The following IL1RAPL1 variants were observed in gnomAD, a reference collection of about 807,000 sequenced individuals.
The protein encoded by IL1RAPL1 is interleukin-1 receptor accessory protein-like 1.
A neutral mutation model predicts 48.4 loss-of-function variants in IL1RAPL1; 3 were observed. The observed-to-expected ratio is 0.06, with a 90% CI of 0.03 to 0.16. The LOEUF is 0.16. Ranked by LOEUF, IL1RAPL1 falls within the 10% of genes least tolerant of loss-of-function variation. The pLI is 1.00. For synonymous variants in IL1RAPL1, 185 were observed against 187.7 expected (o/e 0.99, Z 0.12); for missense variants, 349 against 530.6 (o/e 0.66, Z 3.36).
chrX:29,757,504 A>G (rs937505943), intron 6 of IL1RAPL1, among the ~76,000 whole-genome samples: 4 of 112,433 alleles, frequency 3.6e-5, no homozygotes, highest in African/African-American at 6.5e-5. Flanking sequence ...GTTAAGCAAC[A>G]TTTGATTGGC....
chrX:28,687,060 A>G (rs1935118739), intron 1 of IL1RAPL1, among the ~76,000 whole-genome samples: 2 of 111,899 alleles, frequency 1.8e-5, no homozygotes, highest in South Asian at 7.4e-4. Context: ...ACTCTTTTAA[A>G]TTTTATAGTG....
chrX:28,950,814 C>T (rs1924438843), intron 2 of IL1RAPL1, among the ~76,000 whole-genome samples: 1 of 107,980 alleles, frequency 9.3e-6, no homozygotes, highest in Admixed American at 1.0e-4. Context: ...TATAAAGACA[C>T]ATGCACATGT....
At chrX:29,613,115 TATA>T in intron 5 of IL1RAPL1, among the ~76,000 whole-genome samples, 1 of 112,358 alleles carries the variant, frequency 8.9e-6, no homozygotes, top group Non-Finnish European at 1.9e-5. Flanking sequence ...CAAATAAAAA[TATA>T]ATGACAGCCC....
rs146111446 is a variant in IL1RAPL1, at chrX:29,811,971, A to G, written c.779-105493A>G. On this transcript the variant is annotated intron_variant, in intron 6 of 10. Transcript: ENST00000378993. Reference sequence around the variant, plus strand: ...CAGAATCTATTCTCACCAAGTCACCAGATGAACAATAGATCATCTACACAG... The same window carrying G: ...CAGAATCTATTCTCACCAAGTCACCGGATGAACAATAGATCATCTACACAG... 1.8e-3 allele frequency among the ~76,000 whole-genome samples: 203 copies of G among 111,599 alleles called. 1 individual carries two copies. The highest frequency in any genetic ancestry group is 5.9e-3 in the African/African-American group (180 of 30,751).
intron 2 of IL1RAPL1, among the ~76,000 whole-genome samples, chrX:29,190,615 G>A (rs1426187339): frequency 8.9e-6 from 1 of 112,455 alleles, no homozygotes; most frequent in African/African-American, 3.2e-5. Flanking sequence ...ACAAAAGACT[G>A]TTCCTTGCTG....
chrX:28,685,516 C>T (rs1016120459), intron 1 of IL1RAPL1, among the ~76,000 whole-genome samples: 3 of 111,999 alleles, frequency 2.7e-5, no homozygotes, highest in Non-Finnish European at 5.6e-5. Flanking sequence ...ATTGGGTTGA[C>T]TTTTAGATGC....
intron 3 of IL1RAPL1, among the ~76,000 whole-genome samples, chrX:29,308,858 A>G (rs1237373511): frequency 8.9e-6 from 1 of 111,910 alleles, no homozygotes; most frequent in Non-Finnish European, 1.9e-5. Context: ...AACTCTTTCC[A>G]AGGGACATCT....
At chrX:28,778,426 A>C (rs1270720325) in intron 1 of IL1RAPL1, among the ~76,000 whole-genome samples, 1 of 111,480 alleles carries the variant, frequency 9.0e-6, no homozygotes, top group African/African-American at 3.3e-5. Context: ...GCGATGATGG[A>C]ATATATTTGC....
At chrX:29,484,344 G>GC (rs1935074361) in intron 5 of IL1RAPL1, among the ~76,000 whole-genome samples, 1 of 111,374 alleles carries the variant, frequency 9.0e-6, no homozygotes, top group Non-Finnish European at 1.9e-5. Context: ...AAAGCCACCA[G>GC]TCCCATCATG....
chrX:29,849,138 A>C (rs1208524582), intron 6 of IL1RAPL1, among the ~76,000 whole-genome samples: 1 of 111,662 alleles, frequency 9.0e-6, no homozygotes, highest in Non-Finnish European at 1.9e-5. Flanking sequence ...AAGAAAAAAA[A>C]ATGGGTAAGC....
chrX:29,947,702 C>T (rs1933238364), intron 9 of IL1RAPL1, among the ~76,000 whole-genome samples: 1 of 101,881 alleles, frequency 9.8e-6, no homozygotes, highest in Non-Finnish European at 2.0e-5. Flanking sequence ...ATCAGTGAAA[C>T]ATAGTACCTC....
intron 5 of IL1RAPL1, among the ~76,000 whole-genome samples, chrX:29,476,872 CTTTT>C (rs1198120274): frequency 1.9e-4 from 10 of 53,902 alleles, no homozygotes; most frequent in African/African-American, 1.2e-3. Flanking sequence ...TACCCATATT[CTTTT>C]TTTTTTTTTT....
chrX:29,265,544 A>G (rs755368932), intron 2 of IL1RAPL1, among the ~76,000 whole-genome samples: 11 of 105,593 alleles, frequency 1.0e-4, no homozygotes, highest in Non-Finnish European at 2.1e-4. Context: ...ATATGTATAC[A>G]TGTGCCATGC....
intron 2 of IL1RAPL1, among the ~76,000 whole-genome samples, chrX:28,923,231 C>T (rs1392446800): frequency 9.1e-6 from 1 of 109,672 alleles, no homozygotes; most frequent in African/African-American, 3.3e-5. Context: ...GGCTGGAGTG[C>T]GATGGTGCGT....
chrX:28,840,418 A>G (rs1921339405), intron 2 of IL1RAPL1, among the ~76,000 whole-genome samples: 1 of 110,444 alleles, frequency 9.1e-6, no homozygotes, highest in South Asian at 3.7e-4. Flanking sequence ...GTGAGTCCAT[A>G]GTAGGTGCAT....
At position 28,653,336 on chromosome X, in the gene IL1RAPL1, G is replaced by C. The variant is rs181078064; in HGVS notation, c.-25+65289G>C. ...CTAAAAATACAAAAATTAGCCAGGC[G>C]TGGTGGCAGGCACCTGTAATCCCAG... On this transcript the variant is annotated intron_variant, in intron 1 of 10. Coordinates refer to ENST00000378993, the MANE Select transcript of IL1RAPL1 (RefSeq NM_014271.4). Among the ~76,000 whole-genome samples, 29 of 110,340 alleles carry C rather than the reference G, an allele frequency of 2.6e-4. 1 individual carries two copies. In the Admixed American group the frequency reaches 2.7e-3, roughly 10 times the overall value.
intron 1 of IL1RAPL1, among the ~76,000 whole-genome samples, chrX:28,755,283 AC>A (rs1368625260): frequency 8.9e-6 from 1 of 112,489 alleles, no homozygotes; most frequent in African/African-American, 3.2e-5. Flanking sequence ...GGCATGAGCC[AC>A]CACACTTGGC....
intron 5 of IL1RAPL1, among the ~76,000 whole-genome samples, chrX:29,407,256 G>A (rs1934084919): frequency 9.0e-6 from 1 of 111,319 alleles, no homozygotes; most frequent in African/African-American, 3.3e-5. Context: ...TACTGGATAG[G>A]TACCTCAGTA....
At chrX:29,762,097 A>G (rs1294403732) in intron 6 of IL1RAPL1, among the ~76,000 whole-genome samples, 3 of 111,974 alleles carry the variant, frequency 2.7e-5, no homozygotes, top group Non-Finnish European at 3.8e-5. Context: ...TAATTAGAAG[A>G]ACAAATTGAA....
Sources: gnomAD v4.1 joint callset for allele counts (sites outside exome capture counted in the v4.1 genomes callset) on GRCh38, gnomAD v4.1.1 for gene constraint, MANE v1.5 for transcripts, NCBI Gene and HGNC (gene_info 2026-07-23, HGNC 2026-07-21) for gene names.